The following SHISA6 variants were observed in gnomAD, a reference collection of about 807,000 sequenced individuals.
SHISA6 encodes shisa family member 6.
In SHISA6, 22 loss-of-function variants were observed where a neutral mutation model predicts 47.9. The observed-to-expected ratio is 0.46, with a 90% CI of 0.33 to 0.66. The LOEUF is 0.66. Among genes scored for constraint, SHISA6 ranks in the 30% least tolerant of loss-of-function variants. The pLI, the probability that SHISA6 is intolerant of heterozygous loss-of-function variation, is 0.02. For synonymous variants in SHISA6, 388 were observed against 337.8 expected, an observed-to-expected ratio of 1.15 and a Z score of -1.63; for missense variants, 680 against 764.6, an observed-to-expected ratio of 0.89 and a Z score of 1.30.
At position 11,323,669 on chromosome 17, in the gene SHISA6, AAATAATAATAAT is replaced by A. The variant is rs60694925; in HGVS notation, c.800-55725_800-55714del. On this transcript the variant is annotated intron_variant, in intron 2 of 5. Transcript: ENST00000441885. ...ACTGTGTCTCAAAAATAAATAAATA[AAATAATAATAAT>A]AATAATAATAATAATAATACATGAT... Among the ~76,000 whole-genome samples the A allele has an allele frequency of 3.8e-5, 5 of 132,058 alleles. No individual in the cohort carries two copies. The South Asian group carries it at 7.4e-4, about 20-fold the overall frequency. 86.6% of individuals were successfully genotyped at this position (132,058 alleles called of 152,430 possible). A position where few individuals can be genotyped will look rare whatever the true frequency, so the allele number is the denominator to read the frequency against.
intron 2 of SHISA6, among the ~76,000 whole-genome samples, 189 bp downstream of exon 2, chr17:11,263,715 G>A (rs192694109): frequency 2.0e-5 from 3 of 152,304 alleles, no homozygotes; most frequent in Admixed American, 1.3e-4. Flanking sequence ...ACTGCTGCCG[G>A]TCAGTGTCTG....
rs543778148 is a variant in SHISA6 at position 11,448,951 on chromosome 17, C to T, written c.895+69442C>T. 3.9e-5 allele frequency among the ~76,000 whole-genome samples: 6 copies of T among 152,304 alleles called. No individual in the cohort carries two copies. The South Asian group carries it at 8.3e-4, about 21-fold the overall frequency. ...TGAAATGTTTGACTTCTATGTTCTACTCCCTAAGTAAAAGTTTTATATTTA... is the reference window on the plus strand; with the variant it reads ...TGAAATGTTTGACTTCTATGTTCTATTCCCTAAGTAAAAGTTTTATATTTA... On this transcript the variant is annotated intron_variant, in intron 3 of 5. Coordinates refer to ENST00000441885, the MANE Select transcript of SHISA6 (RefSeq NM_207386.4).
At chr17:11,324,275 G>A (rs552448821) in intron 2 of SHISA6, among the ~76,000 whole-genome samples, 4 of 152,250 alleles carry the variant, frequency 2.6e-5, no homozygotes, top group African/African-American at 2.4e-5. Context: ...TTTTCCTGTC[G>A]ATGACACTCT....
intron 3 of SHISA6, among the ~76,000 whole-genome samples, chr17:11,492,217 T>C (rs928931719): frequency 1.3e-5 from 2 of 152,156 alleles, no homozygotes; most frequent in Non-Finnish European, 2.9e-5. Context: ...GATGAAGTGC[T>C]AAAAGGCCAC....
intron 3 of SHISA6, among the ~76,000 whole-genome samples, chr17:11,498,911 A>G (rs2071428640): frequency 6.6e-6 from 1 of 152,240 alleles, no homozygotes; most frequent in South Asian, 2.1e-4. Context: ...TGCCTGGCAT[A>G]GAGTCCTCAC....
intron 2 of SHISA6, among the ~76,000 whole-genome samples, chr17:11,346,587 A>T (rs1328841845): frequency 1.3e-5 from 2 of 152,234 alleles, no homozygotes. Flanking sequence ...CCTGAGACAG[A>T]ATCATCTGGG....
chr17:11,247,140 C>G (rs868507000), intron 1 of SHISA6, among the ~76,000 whole-genome samples: 1 of 152,302 alleles, frequency 6.6e-6, no homozygotes, highest in East Asian at 1.9e-4. Flanking sequence ...AATGAGAGAT[C>G]GGATTGACCG....
Position 11,561,916 on chromosome 17 carries a change from T to TGAGCTCTGGGAGGGAAGGGAATG in SHISA6, c.*3623_*3645dup, listed in dbSNP as rs1307881275. ...CACGGAGCCAAGGGCTTTTCCCCTC[T>TGAGCTCTGGGAGGGAAGGGAATG]GAGCTCTGGGAGGGAAGGGAATGGA... On this transcript the variant is annotated 3_prime_UTR_variant, in exon 6 of 6. Coordinates refer to ENST00000441885, the MANE Select transcript of SHISA6 (RefSeq NM_207386.4). 1 of 152,176 alleles carries TGAGCTCTGGGAGGGAAGGGAATG rather than the reference T, an allele frequency of 6.6e-6. No homozygotes were observed. The highest frequency in any genetic ancestry group is 2.4e-5 in the African/African-American group (1 of 41,408). The allele number at this position is 152,176 out of a possible 1,614,324, so 9.4% of individuals were successfully genotyped here. A position where few individuals can be genotyped will look rare whatever the true frequency, so the allele number is the denominator to read the frequency against.
intron 2 of SHISA6, among the ~76,000 whole-genome samples, chr17:11,269,202 C>A (rs1482772621): frequency 6.6e-6 from 1 of 152,108 alleles, no homozygotes; most frequent in East Asian, 1.9e-4. Flanking sequence ...CCACCAGATC[C>A]AGTTAATCTT....
chr17:11,298,835 C>T (rs761506412), intron 2 of SHISA6, among the ~76,000 whole-genome samples: 4 of 152,148 alleles, frequency 2.6e-5, no homozygotes, highest in East Asian at 1.9e-4. Flanking sequence ...CAGACCTCAT[C>T]GCTGGGTTAA....
At chr17:11,286,813 G>T (rs1043962580) in intron 2 of SHISA6, among the ~76,000 whole-genome samples, 1 of 152,166 alleles carries the variant, frequency 6.6e-6, no homozygotes, top group Non-Finnish European at 1.5e-5. Context: ...CCTCTTAGAG[G>T]CAGAACACTG....
chr17:11,471,474 C>T (rs1322023339), intron 3 of SHISA6, among the ~76,000 whole-genome samples: 3 of 152,244 alleles, frequency 2.0e-5, no homozygotes, highest in Admixed American at 6.5e-5. Context: ...GATATCAGCA[C>T]GCTTACTCTC....
At chr17:11,272,161 C>G (rs1021079212) in intron 2 of SHISA6, among the ~76,000 whole-genome samples, 1 of 152,116 alleles carries the variant, frequency 6.6e-6, no homozygotes. Context: ...CATCAGAAAC[C>G]CTGCCACTCC....
chr17:11,293,201 T>C (rs1909617570), intron 2 of SHISA6, among the ~76,000 whole-genome samples: 2 of 152,146 alleles, frequency 1.3e-5, no homozygotes, highest in South Asian at 4.1e-4. Flanking sequence ...ACAGTTGCAT[T>C]CTAAAGATGG....
chr17:11,254,740 A>G (rs1271238718), intron 1 of SHISA6, among the ~76,000 whole-genome samples: 20 of 152,216 alleles, frequency 1.3e-4, no homozygotes, highest in Admixed American at 1.3e-3. Flanking sequence ...GAAGGAGTGT[A>G]TCCTTTCTTT....
At chr17:11,256,897 G>A (rs563164927) in intron 1 of SHISA6, among the ~76,000 whole-genome samples, 10 of 152,314 alleles carry the variant, frequency 6.6e-5, no homozygotes, top group South Asian at 4.2e-4. Context: ...CCTAGTGACA[G>A]CGCCAGGACA....
intron 3 of SHISA6, among the ~76,000 whole-genome samples, chr17:11,407,358 G>A (rs1054231087): frequency 6.6e-6 from 1 of 152,040 alleles, no homozygotes; most frequent in African/African-American, 2.4e-5. Context: ...TCTAGTCTAT[G>A]CTGCCCTAGT....
rs75881380 is a variant in SHISA6, at chr17:11,499,561, A to C, written c.896-52335A>C. Among the ~76,000 whole-genome samples, 825 of 152,260 alleles carry C rather than the reference A, an allele frequency of 5.4e-3. 6 individuals are homozygous for C. Among genetic ancestry groups the C allele is most frequent in the Non-Finnish European group, 9.9e-3 (670 of 68,016 alleles). ...CTACTTTATGCTAAAGTGTTAATGG[A>C]TACTAAGACTTCATGTACACTCACT... On this transcript the variant is annotated intron_variant, in intron 3 of 5. Transcript: ENST00000441885.
chr17:11,356,209 A>C (rs1437940620), intron 2 of SHISA6, among the ~76,000 whole-genome samples: 1 of 152,138 alleles, frequency 6.6e-6, no homozygotes, highest in East Asian at 1.9e-4. Flanking sequence ...GTTGATGCAA[A>C]CTCCACTGTC....
Sources: gnomAD v4.1 joint callset for allele counts (sites outside exome capture counted in the v4.1 genomes callset) on GRCh38, gnomAD v4.1.1 for gene constraint, MANE v1.5 for transcripts, NCBI Gene and HGNC (gene_info 2026-07-23, HGNC 2026-07-21) for gene names.